The following NRXN1 variants were observed in gnomAD, a reference collection of about 807,000 sequenced individuals.
NRXN1 encodes neurexin-1.
A neutral mutation model predicts 150.9 loss-of-function variants in NRXN1; 39 were observed. That is an observed-to-expected ratio of 0.26 (90% CI 0.20 to 0.34). NRXN1 has a LOEUF of 0.34. NRXN1 is among the 10% of genes least tolerant of loss of function. The probability of loss-of-function intolerance (pLI) is 1.00; values close to 1 mark genes in which losing one functional copy is unlikely to be tolerated. For synonymous variants in NRXN1, 924 were observed against 757.0 expected, an observed-to-expected ratio of 1.22 and a Z score of -3.62; for missense variants, 1,815 against 1,949.9, an observed-to-expected ratio of 0.93 and a Z score of 1.30.
chr2:50,182,989 A>G (rs2060832893), intron 18 of NRXN1, among the ~76,000 whole-genome samples: 1 of 152,068 alleles, frequency 6.6e-6, no homozygotes, highest in Non-Finnish European at 1.5e-5. Flanking sequence ...ATATCATTCT[A>G]ACAATGTATA....
intron 5 of NRXN1, among the ~76,000 whole-genome samples, chr2:50,888,525 C>T (rs1195199931): frequency 6.6e-6 from 1 of 151,410 alleles, no homozygotes; most frequent in East Asian, 1.9e-4. Flanking sequence ...TCCTTCTTTC[C>T]TTTCTTGCTC....
At chr2:49,965,954 G>A (rs759321301) in intron 21 of NRXN1, among the ~76,000 whole-genome samples, 4 of 152,248 alleles carry the variant, frequency 2.6e-5, no homozygotes, top group South Asian at 2.1e-4. Context: ...ATTCACATAC[G>A]CAATTATTTA....
intron 5 of NRXN1, among the ~76,000 whole-genome samples, chr2:50,865,904 G>T (rs1676872736): frequency 6.6e-6 from 1 of 151,194 alleles, no homozygotes. Flanking sequence ...TATAGATAAG[G>T]AAATAGAGGA....
chr2:50,081,969 C>T (rs919626629), intron 19 of NRXN1, among the ~76,000 whole-genome samples: 10 of 151,944 alleles, frequency 6.6e-5, no homozygotes, highest in African/African-American at 2.2e-4. Flanking sequence ...ATTATAAAAG[C>T]GACTGTTATA....
rs1310658891 is a variant in NRXN1, at chr2:50,382,434, T to A, written c.3364+83008A>T. ...TTACAGACTTTACTTAGTTTAATTA[T>A]CATGGGACGTCAGAGGGAATATTTA... On this transcript the variant is annotated intron_variant, in intron 17 of 22. Coordinates refer to ENST00000401669, the MANE Select transcript of NRXN1 (RefSeq NM_001330078.2). 2.0e-5 allele frequency among the ~76,000 whole-genome samples: 3 copies of A among 152,186 alleles called. 1 individual carries two copies. The highest frequency in any genetic ancestry group is 4.1e-4 in the South Asian group (2 of 4,826).
chr2:50,000,952 G>A (rs992538251), intron 21 of NRXN1, among the ~76,000 whole-genome samples: 4 of 152,060 alleles, frequency 2.6e-5, no homozygotes, highest in African/African-American at 7.2e-5. Flanking sequence ...CAGACAACAC[G>A]GCCTTAATTT....
chr2:50,182,586 G>A (rs576786847), intron 18 of NRXN1, among the ~76,000 whole-genome samples: 4 of 152,096 alleles, frequency 2.6e-5, no homozygotes, highest in East Asian at 3.9e-4. Flanking sequence ...AATGCTACAC[G>A]TTGTTATTGG....
intron 17 of NRXN1, among the ~76,000 whole-genome samples, chr2:50,357,731 T>C (rs551294896): frequency 6.6e-6 from 1 of 152,194 alleles, no homozygotes; most frequent in Non-Finnish European, 1.5e-5. Context: ...AATGAAATTG[T>C]TTTAGCCCAA....
intron 5 of NRXN1, among the ~76,000 whole-genome samples, chr2:50,670,982 T>C (rs1688759372): frequency 6.6e-6 from 1 of 151,902 alleles, no homozygotes; most frequent in Non-Finnish European, 1.5e-5. Flanking sequence ...TAAATACCAT[T>C]GGAAAGACAC....
At chr2:50,532,567 TTA>T (rs2093146343) in intron 10 of NRXN1, among the ~76,000 whole-genome samples, 27 of 152,156 alleles carry the variant, frequency 1.8e-4, no homozygotes, top group Admixed American at 1.2e-3. Flanking sequence ...GGGAGTAACT[TTA>T]AATATTATCT....
At chr2:50,582,478 CAAAAAAAAAAA>C (rs56941425) in intron 8 of NRXN1, among the ~76,000 whole-genome samples, 1 of 44,222 alleles carries the variant, frequency 2.3e-5, no homozygotes. Flanking sequence ...GACTCGTCTC[CAAAAAAAAAAA>C]AAAAAAAAAA....
intron 2 of NRXN1, among the ~76,000 whole-genome samples, chr2:50,935,560 C>T (rs1193388295): frequency 6.6e-6 from 1 of 152,036 alleles, no homozygotes; most frequent in Admixed American, 6.6e-5. Flanking sequence ...AATTGCATGT[C>T]TCTTAAAAAT....
chr2:50,959,458 T>C (rs1575058452), intron 2 of NRXN1, among the ~76,000 whole-genome samples: 1 of 152,046 alleles, frequency 6.6e-6, no homozygotes, highest in Non-Finnish European at 1.5e-5. Flanking sequence ...CATATTACAA[T>C]ATTAGGACAT....
chr2:50,474,579 G>A (rs912998742), intron 15 of NRXN1, among the ~76,000 whole-genome samples: 2 of 150,582 alleles, frequency 1.3e-5, no homozygotes, highest in African/African-American at 2.4e-5. Context: ...ATGGCTGCAT[G>A]GTGGACTTAG....
At chr2:51,026,957 C>T (rs1054443278) in intron 2 of NRXN1, among the ~76,000 whole-genome samples, 1 of 152,214 alleles carries the variant, frequency 6.6e-6, no homozygotes, top group African/African-American at 2.4e-5. Flanking sequence ...AAAGGCAGAG[C>T]ACTGCCCGTG....
intron 17 of NRXN1, among the ~76,000 whole-genome samples, chr2:50,375,594 C>A (rs556173618): frequency 6.7e-6 from 1 of 150,198 alleles, no homozygotes; most frequent in Non-Finnish European, 1.5e-5. Context: ...ACAGAATAAT[C>A]TTTTAAAATA....
intron 18 of NRXN1, among the ~76,000 whole-genome samples, chr2:50,115,221 A>G (rs936114516): frequency 1.0e-4 from 13 of 128,164 alleles, no homozygotes; most frequent in East Asian, 4.0e-4. Flanking sequence ...TTATGTGTAT[A>G]TATATATATA....
chr2:50,175,515 T>C (rs1362711314), intron 18 of NRXN1, among the ~76,000 whole-genome samples: 1 of 152,112 alleles, frequency 6.6e-6, no homozygotes, highest in East Asian at 1.9e-4. Flanking sequence ...GTTTCCAATT[T>C]TTCTTCAAGC....
At chr2:50,582,763 T>C (rs1225090982) in intron 8 of NRXN1, among the ~76,000 whole-genome samples, 3 of 152,100 alleles carry the variant, frequency 2.0e-5, no homozygotes, top group Non-Finnish European at 4.4e-5. Flanking sequence ...ATCAAAATAT[T>C]AAAACAGCTT....
Sources: gnomAD v4.1 joint callset for allele counts (sites outside exome capture counted in the v4.1 genomes callset) on GRCh38, gnomAD v4.1.1 for gene constraint, MANE v1.5 for transcripts, NCBI Gene and HGNC (gene_info 2026-07-23, HGNC 2026-07-21) for gene names.